The following IYD variants were observed in gnomAD, a reference collection of about 807,000 sequenced individuals.
IYD encodes the protein iodotyrosine deiodinase.
In IYD, 25 loss-of-function variants were observed where a neutral mutation model predicts 28.4. That is an observed-to-expected ratio of 0.88 (90% CI 0.64 to 1.23). IYD has a LOEUF of 1.23. IYD is among the 50% of genes most tolerant of loss of function. IYD has a pLI of 0.00. For synonymous variants in IYD, 140 were observed against 130.8 expected, an observed-to-expected ratio of 1.07 and a Z score of -0.48; for missense variants, 352 against 357.9, an observed-to-expected ratio of 0.98 and a Z score of 0.13.
rs562880812 is a variant in IYD, at chr6:150,388,771, G to A, written c.179-581G>A. On this transcript the variant is annotated intron_variant, in intron 1 of 4. Transcript: ENST00000344419. ...GGCTGGAGTGCAGTGGTGCAATCTC[G>A]GCTCACTGCAACTTCTGCCTCCCAG... Among the ~76,000 whole-genome samples, 19 of 141,258 alleles carry A rather than the reference G, an allele frequency of 1.3e-4. No individual in the cohort carries two copies. The South Asian group carries it at 3.7e-3, about 27-fold the overall frequency. The allele number at this position is 141,258 out of a possible 152,430, so 92.7% of individuals were successfully genotyped here.
At chr6:150,370,427 GTGTT>G (rs66788145) in intron 1 of IYD, 465,635 of 927,854 alleles carry the variant, frequency 0.5, 121,506 homozygotes, top group Non-Finnish European at 0.54. Context: ...GCGCATGAGT[GTGTT>G]TGTGAGAGAG....
At chr6:150,388,303 G>C (rs1777954040) in intron 1 of IYD, among the ~76,000 whole-genome samples, 1 of 152,102 alleles carries the variant, frequency 6.6e-6, no homozygotes, top group African/African-American at 2.4e-5. Flanking sequence ...TTTGATATCT[G>C]TCACCCTTAA....
intron 1 of IYD, among the ~76,000 whole-genome samples, chr6:150,379,689 G>A (rs78626622): frequency 0.01 from 1,586 of 152,268 alleles, 26 homozygotes; most frequent in African/African-American, 0.036. Context: ...TCATATCATA[G>A]AGGAAGAGAG....
intron 1 of IYD, among the ~76,000 whole-genome samples, chr6:150,383,918 C>G (rs756123895): frequency 2.6e-5 from 4 of 151,992 alleles, no homozygotes; most frequent in Non-Finnish European, 5.9e-5. Context: ...TTATTTTCTT[C>G]CATCACACAG....
intron 1 of IYD, chr6:150,370,030 G>A (rs745903526): frequency 3.6e-5 from 25 of 702,274 alleles, no homozygotes; most frequent in Admixed American, 1.0e-4. Context: ...GGGAGAGAGC[G>A]TGGAGGAAGC....
chr6:150,383,344 A>G (rs1208399345), intron 1 of IYD, among the ~76,000 whole-genome samples: 1 of 152,166 alleles, frequency 6.6e-6, no homozygotes, highest in African/African-American at 2.4e-5. Flanking sequence ...CCTTTATCTC[A>G]GATCAACCTC....
intron 4 of IYD, chr6:150,395,579 C>G: frequency 6.5e-7 from 1 of 1,535,280 alleles, no homozygotes; most frequent in Non-Finnish European, 8.7e-7. Flanking sequence ...GCCTCTGCAG[C>G]AGGCAGTCTT....
chr6:150,369,793 C>A (rs1220077692), intron 1 of IYD, among the ~76,000 whole-genome samples: 3 of 152,080 alleles, frequency 2.0e-5, no homozygotes, highest in Non-Finnish European at 2.9e-5. Context: ...AGGGAAAGGA[C>A]AAACCAGGCT....
chr6:150,378,161 C>T (rs1046496024), intron 1 of IYD, among the ~76,000 whole-genome samples: 2 of 152,032 alleles, frequency 1.3e-5, no homozygotes, highest in Non-Finnish European at 2.9e-5. Flanking sequence ...TCCACTCTTC[C>T]TTTCTTTTTA....
At chr6:150,390,556 T>G (rs1778076092) in intron 2 of IYD, among the ~76,000 whole-genome samples, 1 of 152,190 alleles carries the variant, frequency 6.6e-6, no homozygotes, top group African/African-American at 2.4e-5. Context: ...AGCTGTGACT[T>G]CTAGTGTTGG....
chr6:150,373,629 C>T (rs1222442521), intron 1 of IYD, among the ~76,000 whole-genome samples: 3 of 152,152 alleles, frequency 2.0e-5, no homozygotes, highest in Non-Finnish European at 4.4e-5. Flanking sequence ...CTTGAAGTCA[C>T]GCCATGGTGT....
At chr6:150,378,583 A>G (rs1267236962) in intron 1 of IYD, among the ~76,000 whole-genome samples, 6 of 152,358 alleles carry the variant, frequency 3.9e-5, no homozygotes, top group African/African-American at 7.2e-5. Context: ...AATCAAAACC[A>G]CAATGAGATA....
chr6:150,385,568 AT>A (rs55819886), intron 1 of IYD, among the ~76,000 whole-genome samples: 33,222 of 151,036 alleles, frequency 0.22, 4,214 homozygotes, highest in East Asian at 0.56. Flanking sequence ...GCCAAGATGT[AT>A]TTTTTTTTAT....
At chr6:150,386,253 G>A (rs1388963895) in intron 1 of IYD, among the ~76,000 whole-genome samples, 1 of 151,706 alleles carries the variant, frequency 6.6e-6, no homozygotes, top group Non-Finnish European at 1.5e-5. Flanking sequence ...GTAAGGCTTG[G>A]AATCTCCCTC....
At chr6:150,382,099 G>A (rs1356046086) in intron 1 of IYD, among the ~76,000 whole-genome samples, 1 of 152,158 alleles carries the variant, frequency 6.6e-6, no homozygotes, top group Non-Finnish European at 1.5e-5. Flanking sequence ...GCCTCTTGCA[G>A]GAATGGCCTC....
chr6:150,393,889 T>C (rs1034024043), intron 3 of IYD, among the ~76,000 whole-genome samples: 1 of 152,230 alleles, frequency 6.6e-6, no homozygotes, highest in African/African-American at 2.4e-5. Context: ...TGTCTTGCCA[T>C]ACTAGGCACT....
At position 150,403,838 on chromosome 6, in the gene IYD, A is replaced by G. The variant is rs1013290323; in HGVS notation, c.*5601A>G. On this transcript the variant is annotated 3_prime_UTR_variant, in exon 5 of 5. Transcript: ENST00000344419. Reference sequence around the variant, plus strand: ...TAAATGTCTTTAGAGCAGGATGGAAATATGTTAGCAATGCCTGCAGAGTGC... The same window carrying G: ...TAAATGTCTTTAGAGCAGGATGGAAGTATGTTAGCAATGCCTGCAGAGTGC... The G allele has an allele frequency of 2.6e-5, 4 of 152,248 alleles. No homozygotes were observed. The highest frequency in any genetic ancestry group is 4.4e-5 in the Non-Finnish European group (3 of 68,046). The allele number at this position is 152,248 out of a possible 1,614,324, so 9.4% of individuals were successfully genotyped here. A position where few individuals can be genotyped will look rare whatever the true frequency, so the allele number is the denominator to read the frequency against.
At chr6:150,386,540 CT>C (rs1777870284) in intron 1 of IYD, among the ~76,000 whole-genome samples, 1 of 151,842 alleles carries the variant, frequency 6.6e-6, no homozygotes, top group Non-Finnish European at 1.5e-5. Flanking sequence ...ATTTGGTTAT[CT>C]TTGTCAATTA....
In IYD at chr6:150,398,201, G is replaced by A. The variant is rs1234579635; in HGVS notation, c.834G>A (p.Lys278=). The change falls in exon 5 of 5, where the codon AAG becomes AAA. Residue 278 remains lysine, a synonymous_variant. Coordinates refer to ENST00000344419, the MANE Select transcript of IYD (RefSeq NM_203395.3). ...AGGAGGCCACGGTGCCTGACCTCAA[G>A]CGCAAACCTCTGGACCAGATCATGG... ...PSKEATVPDL[K]RKPLDQIMVT... is the part of the protein sequence containing the mutation. 3 of 1,614,168 alleles carry A rather than the reference G, an allele frequency of 1.9e-6. No homozygotes were observed. Among genetic ancestry groups the A allele is most frequent in the Non-Finnish European group, 2.5e-6 (3 of 1,180,032 alleles).
Sources: allele counts gnomAD v4.1 joint callset (sites outside exome capture counted in the v4.1 genomes callset), GRCh38; gene constraint gnomAD v4.1.1; transcripts MANE v1.5; gene names NCBI Gene and HGNC (gene_info 2026-07-23, HGNC 2026-07-21).